Variants in CNBD1 observed in about 807,000 individuals in gnomAD.
CNBD1 encodes the protein cyclic nucleotide binding domain containing 1.
In CNBD1, 71 loss-of-function variants were observed where a neutral mutation model predicts 54.4. The observed-to-expected ratio is 1.30, with a 90% CI of 1.08 to 1.59. CNBD1 has a LOEUF of 1.59. CNBD1 is among the 40% of genes most tolerant of loss of function. The pLI is 0.00. For missense variants in CNBD1, 659 were observed against 518.0 expected (o/e 1.27, Z -2.64); for synonymous variants, 182 against 170.7 (o/e 1.07, Z -0.51).
intron 2 of CNBD1, among the ~76,000 whole-genome samples, chr8:86,891,986 A>G (rs1206307448): frequency 2.0e-5 from 3 of 152,000 alleles, no homozygotes; most frequent in African/African-American, 7.2e-5. Flanking sequence ...TATACTTATA[A>G]GATCCATATT....
intron 4 of CNBD1, among the ~76,000 whole-genome samples, chr8:87,130,047 C>T (rs781706826): frequency 6.6e-6 from 1 of 152,058 alleles, no homozygotes; most frequent in Non-Finnish European, 1.5e-5. Flanking sequence ...CTCATGAGAG[C>T]TATTCACTAT....
At chr8:87,109,787 C>T (rs1401032763) in intron 4 of CNBD1, among the ~76,000 whole-genome samples, 2 of 152,170 alleles carry the variant, frequency 1.3e-5, no homozygotes, top group South Asian at 2.1e-4. Flanking sequence ...ATCTGCCTGC[C>T]TCAGCCTCCC....
chr8:87,241,428 G>A, intron 6 of CNBD1, among the ~76,000 whole-genome samples: 1 of 151,720 alleles, frequency 6.6e-6, no homozygotes, highest in African/African-American at 2.4e-5. Flanking sequence ...CTGCCACCAC[G>A]CCTGGCTAAT....
chr8:87,162,021 C>T (rs768643124), intron 4 of CNBD1, among the ~76,000 whole-genome samples: 2 of 151,962 alleles, frequency 1.3e-5, no homozygotes, highest in Non-Finnish European at 2.9e-5. Context: ...AAACTTACGT[C>T]TTGGTGTGGG....
chr8:87,104,135 A>T (rs1429370432), intron 4 of CNBD1, among the ~76,000 whole-genome samples: 1 of 152,242 alleles, frequency 6.6e-6, no homozygotes, highest in East Asian at 1.9e-4. Flanking sequence ...GAATCGGATG[A>T]GGTAATAAAC....
intron 4 of CNBD1, among the ~76,000 whole-genome samples, chr8:86,943,021 A>G (rs910098157): frequency 2.0e-5 from 3 of 152,044 alleles, no homozygotes; most frequent in African/African-American, 7.3e-5. Flanking sequence ...CTATACTTTA[A>G]AACTTTTCAC....
chr8:86,973,165 C>G (rs1279008795), intron 4 of CNBD1, among the ~76,000 whole-genome samples: 1 of 152,134 alleles, frequency 6.6e-6, no homozygotes, highest in African/African-American at 2.4e-5. Flanking sequence ...TGACCACTGG[C>G]CTTGACAAGT....
intron 4 of CNBD1, among the ~76,000 whole-genome samples, chr8:87,186,408 A>C (rs1761344080): frequency 6.6e-6 from 1 of 152,082 alleles, no homozygotes; most frequent in African/African-American, 2.4e-5. Flanking sequence ...ATATTTCTTG[A>C]CCATCTCCTG....
At chr8:87,414,112 G>A (rs557257517) in intron 2 of CNBD1, among the ~76,000 whole-genome samples, 107 of 152,120 alleles carry the variant, frequency 7.0e-4, no homozygotes, top group Middle Eastern at 3.4e-3. Flanking sequence ...GCAAAGACTT[G>A]GAACCAACCC....
chr8:86,962,960 G>A (rs1022275580), intron 4 of CNBD1, among the ~76,000 whole-genome samples: 6 of 152,106 alleles, frequency 3.9e-5, no homozygotes, highest in Non-Finnish European at 7.3e-5. Flanking sequence ...CAGCCTGAGG[G>A]TCAAAGGAGT....
chr8:87,356,634 G>A (rs1339264471), intron 10 of CNBD1, among the ~76,000 whole-genome samples: 2 of 151,982 alleles, frequency 1.3e-5, no homozygotes, highest in Non-Finnish European at 2.9e-5. Context: ...ACTTAACGTT[G>A]GAAATTATAA....
chr8:87,262,756 A>T (rs1384233592), intron 6 of CNBD1, among the ~76,000 whole-genome samples: 1 of 152,178 alleles, frequency 6.6e-6, no homozygotes, highest in Non-Finnish European at 1.5e-5. Flanking sequence ...CATCCAAAAA[A>T]TATAAACACT....
chr8:87,316,198 A>T (rs1809381241), intron 8 of CNBD1, among the ~76,000 whole-genome samples: 1 of 152,164 alleles, frequency 6.6e-6, no homozygotes, highest in African/African-American at 2.4e-5. Flanking sequence ...CATACATAAA[A>T]AAGAAATTGT....
intron 4 of CNBD1, among the ~76,000 whole-genome samples, chr8:87,190,877 A>ATATAGG (rs1813590459): frequency 5.4e-5 from 3 of 55,754 alleles, no homozygotes; most frequent in Admixed American, 4.3e-4. Flanking sequence ...ATAGATATAG[A>ATATAGG]TACATGTACG....
intron 10 of CNBD1, among the ~76,000 whole-genome samples, chr8:87,370,875 T>A (rs1042181675): frequency 6.6e-6 from 1 of 150,958 alleles, no homozygotes; most frequent in Non-Finnish European, 1.5e-5. Context: ...AACGTTTAAG[T>A]CTTTAGTCCA....
At chr8:86,894,218 C>T (rs928843757) in intron 2 of CNBD1, among the ~76,000 whole-genome samples, 8 of 148,880 alleles carry the variant, frequency 5.4e-5, no homozygotes, top group Non-Finnish European at 1.0e-4. Context: ...CCCGCCACCG[C>T]GCCCGGCTAA....
At chr8:87,223,821 A>T (rs1383091412) in intron 5 of CNBD1, among the ~76,000 whole-genome samples, 1 of 152,062 alleles carries the variant, frequency 6.6e-6, no homozygotes, top group African/African-American at 2.4e-5. Flanking sequence ...CGCCACACTG[A>T]CTTCCACAAT....
chr8:87,374,860 CAAAT>C (rs1246215093), intron 10 of CNBD1, among the ~76,000 whole-genome samples: 1 of 149,912 alleles, frequency 6.7e-6, no homozygotes, highest in African/African-American at 2.5e-5. Flanking sequence ...GTGTAAGTGA[CAAAT>C]AAACATTTGT....
intron 5 of CNBD1, among the ~76,000 whole-genome samples, chr8:87,233,559 G>T (rs1036518076): frequency 6.6e-6 from 1 of 152,154 alleles, no homozygotes. Context: ...CTAGTGGAGG[G>T]TCTTGCCTCA....
Sources: allele counts gnomAD v4.1 joint callset (sites outside exome capture counted in the v4.1 genomes callset), GRCh38; gene constraint gnomAD v4.1.1; transcripts MANE v1.5; gene names NCBI Gene and HGNC (gene_info 2026-07-23, HGNC 2026-07-21).